The following DCC variants were observed in gnomAD, a reference collection of about 807,000 sequenced individuals.
DCC encodes DCC netrin 1 receptor.
Under a neutral mutation model 172.5 loss-of-function variants are expected in DCC, and 58 were observed. The observed-to-expected ratio is 0.34, with a 90% CI of 0.27 to 0.42. DCC has a LOEUF of 0.42. Among genes scored for constraint, DCC ranks in the 10% least tolerant of loss-of-function variants. The probability of loss-of-function intolerance (pLI) is 1.00; values close to 1 mark genes in which losing one functional copy is unlikely to be tolerated. For synonymous variants in DCC, 709 were observed against 644.5 expected (o/e 1.10, Z -1.52); for missense variants, 1,740 against 1,791.0 (o/e 0.97, Z 0.51).
At chr18:53,416,213 A>G in intron 21 of DCC, 57 bp downstream of exon 21, 1 of 1,221,242 alleles carries the variant, frequency 8.2e-7, no homozygotes, top group Non-Finnish European at 1.2e-6. Context: ...TCTGTTAGAC[A>G]TGTCAGTCAT....
intron 8 of DCC, among the ~76,000 whole-genome samples, chr18:53,170,181 G>A (rs185493389): frequency 1.6e-4 from 24 of 152,204 alleles, no homozygotes; most frequent in African/African-American, 2.6e-4. Flanking sequence ...GGGAAGCCAC[G>A]CAGCAGTTTG....
At chr18:53,525,559 GATTT>G (rs960705477) in intron 27 of DCC, among the ~76,000 whole-genome samples, 3 of 152,006 alleles carry the variant, frequency 2.0e-5, no homozygotes, top group African/African-American at 7.2e-5. Flanking sequence ...TGGTTTATTA[GATTT>G]ATTTATTATT....
intron 15 of DCC, among the ~76,000 whole-genome samples, chr18:53,377,104 A>G (rs16956641): frequency 0.16 from 24,478 of 151,498 alleles, 2,460 homozygotes; most frequent in African/African-American, 0.28. Flanking sequence ...CTCTTATTCT[A>G]TAAAAGGTAG....
At chr18:52,557,577 T>G (rs966889292) in intron 1 of DCC, among the ~76,000 whole-genome samples, 1 of 152,216 alleles carries the variant, frequency 6.6e-6, no homozygotes, top group African/African-American at 2.4e-5. Flanking sequence ...AAAGTTTACT[T>G]TCTCAACTAC....
intron 5 of DCC, among the ~76,000 whole-genome samples, chr18:52,993,951 T>A (rs1263356517): frequency 6.6e-6 from 1 of 152,140 alleles, no homozygotes; most frequent in Non-Finnish European, 1.5e-5. Context: ...TATTTTGCCT[T>A]GAATGATCAG....
chr18:52,769,453 T>C (rs1390478997), intron 2 of DCC, among the ~76,000 whole-genome samples: 4 of 152,208 alleles, frequency 2.6e-5, no homozygotes, highest in Non-Finnish European at 4.4e-5. Flanking sequence ...TTAACAATTT[T>C]TGTATATTTG....
chr18:53,358,738 T>G (rs184655152), intron 15 of DCC, among the ~76,000 whole-genome samples: 1 of 151,990 alleles, frequency 6.6e-6, no homozygotes, highest in Non-Finnish European at 1.5e-5. Flanking sequence ...GCCAGGCTGG[T>G]CTCAAACTCC....
chr18:52,556,128 G>A (rs957989479), intron 1 of DCC, among the ~76,000 whole-genome samples: 1 of 151,828 alleles, frequency 6.6e-6, no homozygotes, highest in East Asian at 1.9e-4. Context: ...TAATACAGAT[G>A]TAGCCCCTAA....
chr18:53,360,314 A>G (rs1208262525), intron 15 of DCC, among the ~76,000 whole-genome samples: 1 of 152,170 alleles, frequency 6.6e-6, no homozygotes, highest in Non-Finnish European at 1.5e-5. Context: ...AGCAATGTCT[A>G]TTCTGAAACA....
intron 9 of DCC, among the ~76,000 whole-genome samples, chr18:53,203,864 G>A (rs189724781): frequency 2.5e-4 from 38 of 152,256 alleles, no homozygotes; most frequent in South Asian, 1.4e-3. Flanking sequence ...CCATAGTGTG[G>A]CCATTGCATT....
At chr18:53,017,757 T>C (rs1027290807) in intron 5 of DCC, among the ~76,000 whole-genome samples, 1 of 152,214 alleles carries the variant, frequency 6.6e-6, no homozygotes. Context: ...AATTCATCCA[T>C]TGCTAGCAGC....
chr18:52,349,601 G>C (rs1041871530), intron 1 of DCC, among the ~76,000 whole-genome samples: 1 of 152,112 alleles, frequency 6.6e-6, no homozygotes, highest in African/African-American at 2.4e-5. Flanking sequence ...CAGTTTTACT[G>C]TTAAAAGTTT....
At chr18:53,069,141 G>T (rs995354992) in intron 7 of DCC, among the ~76,000 whole-genome samples, 2 of 152,098 alleles carry the variant, frequency 1.3e-5, no homozygotes, top group African/African-American at 4.8e-5. Context: ...CTAATGGCAG[G>T]ATTTATGGTA....
chr18:52,589,693 T>C (rs1211656400), intron 1 of DCC, among the ~76,000 whole-genome samples: 1 of 152,200 alleles, frequency 6.6e-6, no homozygotes, highest in Non-Finnish European at 1.5e-5. Context: ...CATATAAGCC[T>C]TTTTCTGTTT....
chr18:52,765,730 C>T (rs2037238995), intron 2 of DCC, among the ~76,000 whole-genome samples: 1 of 152,146 alleles, frequency 6.6e-6, no homozygotes, highest in African/African-American at 2.4e-5. Flanking sequence ...AGTGAGACTC[C>T]ACAGAACCTT....
At chr18:53,293,134 TA>T in intron 12 of DCC, among the ~76,000 whole-genome samples, 1 of 152,228 alleles carries the variant, frequency 6.6e-6, no homozygotes. Context: ...TTGATGCTGC[TA>T]TATAAATAAT....
chr18:53,482,910 A>G (rs1051592105), intron 25 of DCC, among the ~76,000 whole-genome samples: 22 of 151,958 alleles, frequency 1.4e-4, no homozygotes, highest in African/African-American at 5.3e-4. Context: ...GTGTTCAACT[A>G]CATTATTATT....
At chr18:52,587,313 C>T (rs1229489865) in intron 1 of DCC, among the ~76,000 whole-genome samples, 1 of 152,168 alleles carries the variant, frequency 6.6e-6, no homozygotes, top group African/African-American at 2.4e-5. Flanking sequence ...CTACCATGGC[C>T]ACTTTGTTCA....
intron 9 of DCC, among the ~76,000 whole-genome samples, chr18:53,202,028 A>G (rs1429698392): frequency 2.0e-5 from 3 of 152,144 alleles, no homozygotes; most frequent in Non-Finnish European, 4.4e-5. Context: ...TTGTGTAAAT[A>G]TATGTGTGTG....
Sources: gnomAD v4.1 joint callset for allele counts (sites outside exome capture counted in the v4.1 genomes callset) on GRCh38, gnomAD v4.1.1 for gene constraint, MANE v1.5 for transcripts, NCBI Gene and HGNC (gene_info 2026-07-23, HGNC 2026-07-21) for gene names.